The following METTL21A variants were observed in gnomAD, a reference collection of about 807,000 sequenced individuals.
The protein encoded by METTL21A is methyltransferase 21A, HSPA lysine.
A neutral mutation model predicts 20.9 loss-of-function variants in METTL21A; 22 were observed. The ratio of observed to expected loss-of-function variants is 1.05; its 90% CI spans 0.75 to 1.50. The LOEUF (loss-of-function observed/expected upper bound fraction) is 1.50. Ranked by LOEUF, METTL21A falls within the 40% of genes most tolerant of loss-of-function variation. METTL21A has a pLI of 0.00. For synonymous variants in METTL21A, 93 were observed against 102.0 expected, an observed-to-expected ratio of 0.91 and a Z score of 0.53; for missense variants, 271 against 266.8, an observed-to-expected ratio of 1.02 and a Z score of -0.11.
intron 3 of METTL21A, chr2:207,620,635 GC>G: frequency 3.3e-6 from 5 of 1,530,706 alleles, no homozygotes; most frequent in African/African-American, 2.7e-5. Flanking sequence ...ATGTTCTAAG[GC>G]TCACCTGAAA....
At chr2:207,612,988 G>A in exon 4 of METTL21A, 1 of 1,450,042 alleles carries the variant, frequency 6.9e-7, no homozygotes, top group Non-Finnish European at 9.3e-7. Context: ...GGTTAGATTT[G>A]CAGTCTAAGA....
intron 3 of METTL21A, among the ~76,000 whole-genome samples, chr2:207,588,654 CAATAT>C (rs1387938516): frequency 6.7e-6 from 1 of 149,092 alleles, no homozygotes; most frequent in African/African-American, 2.5e-5. Flanking sequence ...TCCATGAACA[CAATAT>C]AATCTAATCA....
chr2:207,621,994 C>T, intron 2 of METTL21A, 77 bp from the exon 3 acceptor site: 2 of 1,224,436 alleles, frequency 1.6e-6, no homozygotes, highest in South Asian at 1.2e-5. Context: ...GTCAGCTACA[C>T]CCACCCCTCT....
chr2:207,592,577 T>C (rs556776636), intron 3 of METTL21A, among the ~76,000 whole-genome samples: 1 of 152,216 alleles, frequency 6.6e-6, no homozygotes, highest in African/African-American at 2.4e-5. Flanking sequence ...ATCCCCACCA[T>C]ATTTATCTTA....
intron 3 of METTL21A, among the ~76,000 whole-genome samples, chr2:207,616,830 G>A (rs914400363): frequency 5.9e-5 from 9 of 152,256 alleles, no homozygotes; most frequent in Admixed American, 3.3e-4. Context: ...CGACAAGAGC[G>A]AAACTCCCAT....
downstream of METTL21A, chr2:207,612,151 G>C (rs1202854334): frequency 8.4e-6 from 1 of 119,134 alleles, no homozygotes; most frequent in East Asian, 2.8e-4. Flanking sequence ...CCAGGCTGGA[G>C]TACAATGGTG....
downstream of METTL21A, among the ~76,000 whole-genome samples, chr2:207,606,301 T>C (rs1171899944): frequency 2.0e-5 from 3 of 152,060 alleles, no homozygotes; most frequent in African/African-American, 7.2e-5. Flanking sequence ...ACCAACATGG[T>C]GAAACCTCAT....
chr2:207,586,200 A>C (rs1366147636), intron 3 of METTL21A, among the ~76,000 whole-genome samples: 1 of 152,214 alleles, frequency 6.6e-6, no homozygotes, highest in African/African-American at 2.4e-5. Context: ...ATATACTACA[A>C]AGCTATAGTA....
At chr2:207,598,482 C>T (rs2086530114) in intron 3 of METTL21A, 1 of 76,202 alleles carries the variant, frequency 1.3e-5, no homozygotes. Context: ...CTAACAGTTA[C>T]TCTTAAAAAA....
At chr2:207,605,774 G>C (rs1009969777), downstream of METTL21A, among the ~76,000 whole-genome samples, 3 of 152,172 alleles carry the variant, frequency 2.0e-5, no homozygotes, top group African/African-American at 7.2e-5. Flanking sequence ...ATATACAGAG[G>C]TTGGTAACTA....
At chr2:207,617,421 G>A (rs1404126726) in intron 3 of METTL21A, among the ~76,000 whole-genome samples, 3 of 152,198 alleles carry the variant, frequency 2.0e-5, no homozygotes, top group African/African-American at 4.8e-5. Flanking sequence ...CTGAGCTTAC[G>A]CTTAAAAGAT....
intron 3 of METTL21A, among the ~76,000 whole-genome samples, chr2:207,614,305 AT>A (rs2089390983): frequency 6.6e-6 from 1 of 151,938 alleles, no homozygotes. Flanking sequence ...CGGAGGTGGG[AT>A]ATCATGTGAG....
At chr2:207,609,557 C>A (rs2551950), downstream of METTL21A, 128,447 of 152,146 alleles carry the variant, frequency 0.84, 54,419 homozygotes, top group East Asian at 1. Context: ...GGCAATACTA[C>A]CACTGAATGA....
At chr2:207,594,991 C>CTTTTT (rs751274446) in intron 3 of METTL21A, among the ~76,000 whole-genome samples, 5 of 118,824 alleles carry the variant, frequency 4.2e-5, no homozygotes, top group Non-Finnish European at 3.6e-5. Context: ...TGTTGAGCAT[C>CTTTTT]TTTTTTTTTT....
intron 3 of METTL21A, chr2:207,620,717 A>G: frequency 1.3e-6 from 2 of 1,530,212 alleles, no homozygotes; most frequent in African/African-American, 1.4e-5. Context: ...ACGGACGGAA[A>G]CCTCTGTCAA....
chr2:207,622,607 A>G (rs994169828), intron 2 of METTL21A, among the ~76,000 whole-genome samples: 1 of 152,236 alleles, frequency 6.6e-6, no homozygotes, highest in African/African-American at 2.4e-5. Context: ...CAAAGCCACA[A>G]CTTCACCCAT....
chr2:207,612,874 G>A, exon 4 of METTL21A: 1 of 587,266 alleles, frequency 1.7e-6, no homozygotes, highest in Non-Finnish European at 2.8e-6. Context: ...AAAAATCACA[G>A]CAATGGGACA....
At chr2:207,596,196 T>C (rs1042961786) in intron 3 of METTL21A, among the ~76,000 whole-genome samples, 2 of 152,160 alleles carry the variant, frequency 1.3e-5, no homozygotes, top group African/African-American at 4.8e-5. Flanking sequence ...GATATCCAGG[T>C]TTCCCAGCAC....
chr2:207,607,693 T>TTTTTTTTTTTTTTTTTTTTTTTTTG (rs1277584868), downstream of METTL21A, among the ~76,000 whole-genome samples: 2 of 143,356 alleles, frequency 1.4e-5, no homozygotes, highest in Admixed American at 7.2e-5. Flanking sequence ...ACATACATTT[T>TTTTTTTTTTTTTTTTTTTTTTTTTG]AACATAGCAT....
Sources: allele counts gnomAD v4.1 joint callset (sites outside exome capture counted in the v4.1 genomes callset), GRCh38; gene constraint gnomAD v4.1.1; transcripts MANE v1.5; gene names NCBI Gene and HGNC (gene_info 2026-07-23, HGNC 2026-07-21).